IMMP2L: variants seen among roughly 807,000 people sequenced by gnomAD.
IMMP2L encodes mitochondrial inner membrane protease subunit 2.
Under a neutral mutation model 19.3 loss-of-function variants are expected in IMMP2L, and 18 were observed. The observed-to-expected ratio is 0.93, with a 90% CI of 0.64 to 1.38. The LOEUF (loss-of-function observed/expected upper bound fraction) is 1.38, where lower values mean the gene tolerates loss of function less well. Ranked by LOEUF, IMMP2L falls within the 40% of genes most tolerant of loss-of-function variation. The pLI, the probability that IMMP2L is intolerant of heterozygous loss-of-function variation, is 0.00. For synonymous variants in IMMP2L, 76 were observed against 73.0 expected, an observed-to-expected ratio of 1.04 and a Z score of -0.21; for missense variants, 233 against 218.2, an observed-to-expected ratio of 1.07 and a Z score of -0.43.
At chr7:110,894,758 A>T (rs1374397886) in intron 4 of IMMP2L, among the ~76,000 whole-genome samples, 2 of 152,174 alleles carry the variant, frequency 1.3e-5, no homozygotes, top group African/African-American at 4.8e-5. Flanking sequence ...TGTTTTTCAT[A>T]AGAAATTATT....
intron 3 of IMMP2L, among the ~76,000 whole-genome samples, chr7:111,369,201 G>C (rs1334068259): frequency 1.3e-5 from 2 of 151,810 alleles, no homozygotes; most frequent in African/African-American, 4.8e-5. Context: ...ACATATCTTA[G>C]AAGATTTAGT....
chr7:111,001,071 T>C (rs1351370881), intron 3 of IMMP2L, among the ~76,000 whole-genome samples: 1 of 152,192 alleles, frequency 6.6e-6, no homozygotes, highest in Non-Finnish European at 1.5e-5. Flanking sequence ...TGTCAAGTTG[T>C]TGGTAATGTG....
At chr7:111,111,299 T>TAAAAAAA (rs751990466) in intron 3 of IMMP2L, among the ~76,000 whole-genome samples, 1 of 92,282 alleles carries the variant, frequency 1.1e-5, no homozygotes, top group African/African-American at 3.9e-5. Context: ...GTAGCAGTTG[T>TAAAAAAA]AAAAAAAAAA....
At chr7:111,347,294 G>T (rs1563085930) in intron 3 of IMMP2L, among the ~76,000 whole-genome samples, 1 of 152,096 alleles carries the variant, frequency 6.6e-6, no homozygotes, top group African/African-American at 2.4e-5. Context: ...CAGAGAGGAT[G>T]TAAGGGCCAG....
chr7:111,532,964 T>G (rs2132826077), intron 1 of IMMP2L, among the ~76,000 whole-genome samples: 1 of 152,288 alleles, frequency 6.6e-6, no homozygotes, highest in South Asian at 2.1e-4. Flanking sequence ...TTGGAATGAG[T>G]GCTTATGGTC....
chr7:111,432,355 A>G (rs1836720166), intron 3 of IMMP2L, among the ~76,000 whole-genome samples: 1 of 151,820 alleles, frequency 6.6e-6, no homozygotes, highest in Non-Finnish European at 1.5e-5. Flanking sequence ...AAGCAAGATT[A>G]GCTGGAACAC....
intron 3 of IMMP2L, among the ~76,000 whole-genome samples, chr7:111,000,573 G>T (rs1255199321): frequency 6.6e-6 from 1 of 152,210 alleles, no homozygotes; most frequent in African/African-American, 2.4e-5. Flanking sequence ...ATGGGGCGCA[G>T]TGGCTCACGC....
At chr7:111,193,863 G>C (rs1809172420) in intron 3 of IMMP2L, among the ~76,000 whole-genome samples, 1 of 151,924 alleles carries the variant, frequency 6.6e-6, no homozygotes, top group African/African-American at 2.4e-5. Context: ...CCAGGCTATG[G>C]GTCAACTTCC....
chr7:111,113,386 CT>C lies in IMMP2L; in HGVS notation c.240-149822del, dbSNP rs201497545. On this transcript the variant is annotated intron_variant, in intron 3 of 5. Coordinates refer to ENST00000405709, the MANE Select transcript of IMMP2L (RefSeq NM_032549.4). ...CTTATGGCAATCAATATAGAATAGT[CT>C]TTTTTTTTTGTATACATGTCTATCA... Among the ~76,000 whole-genome samples, 903 of 149,066 alleles carry C rather than the reference CT, an allele frequency of 6.1e-3. 18 individuals are homozygous for C. Among genetic ancestry groups the C allele is most frequent in the African/African-American group, 0.02 (815 of 40,842 alleles).
At chr7:111,062,686 C>T (rs906841779) in intron 3 of IMMP2L, among the ~76,000 whole-genome samples, 1 of 152,220 alleles carries the variant, frequency 6.6e-6, no homozygotes, top group African/African-American at 2.4e-5. Context: ...GCAAATACAG[C>T]TGTTCCAAAT....
At chr7:111,463,283 T>C (rs1213182988) in intron 3 of IMMP2L, among the ~76,000 whole-genome samples, 1 of 152,108 alleles carries the variant, frequency 6.6e-6, no homozygotes, top group African/African-American at 2.4e-5. Context: ...TGATTACTTC[T>C]GTAAAGACCC....
At chr7:110,793,411 C>G (rs111285312) in intron 5 of IMMP2L, among the ~76,000 whole-genome samples, 7,467 of 139,798 alleles carry the variant, frequency 0.053, 576 homozygotes, top group African/African-American at 0.16. Context: ...CAGAGCAAGA[C>G]TCTGTCTCAA....
chr7:110,796,447 C>A (rs999791327), intron 5 of IMMP2L, among the ~76,000 whole-genome samples: 1 of 152,004 alleles, frequency 6.6e-6, no homozygotes, highest in Non-Finnish European at 1.5e-5. Context: ...ACTATCTTTT[C>A]TTGTCTTCAT....
In IMMP2L at chr7:111,170,681, C is replaced by G. The variant is rs540118970; in HGVS notation, c.240-207116G>C. ...GAGGTCTGAGGGTTCCTATCATCTC[C>G]CTAGCTCCCAGTTTACCTAAGGTAT... On this transcript the variant is annotated intron_variant, in intron 3 of 5. Transcript: ENST00000405709. Among the ~76,000 whole-genome samples, 3 of 151,850 alleles carry G rather than the reference C, an allele frequency of 2.0e-5. 1 individual carries two copies. Among genetic ancestry groups the G allele is most frequent in the African/African-American group, 7.2e-5 (3 of 41,490 alleles).
intron 5 of IMMP2L, among the ~76,000 whole-genome samples, chr7:110,693,623 G>T (rs1793664821): frequency 6.6e-6 from 1 of 152,160 alleles, no homozygotes; most frequent in Non-Finnish European, 1.5e-5. Flanking sequence ...AGTGCTTAAG[G>T]AAGGCCTCTC....
chr7:111,073,297 G>A (rs1023539206), intron 3 of IMMP2L, among the ~76,000 whole-genome samples: 2 of 151,978 alleles, frequency 1.3e-5, no homozygotes, highest in African/African-American at 2.4e-5. Context: ...AGGAGAGAGA[G>A]CAAGAATGAG....
intron 3 of IMMP2L, among the ~76,000 whole-genome samples, chr7:111,281,244 GAAGA>G (rs1819833576): frequency 1.6e-5 from 2 of 127,916 alleles, no homozygotes; most frequent in African/African-American, 3.2e-5. Flanking sequence ...AAGAAAGAAA[GAAGA>G]GAGAGAGAGA....
At chr7:111,367,736 C>T (rs752562037) in intron 3 of IMMP2L, among the ~76,000 whole-genome samples, 1 of 151,680 alleles carries the variant, frequency 6.6e-6, no homozygotes, top group Non-Finnish European at 1.5e-5. Context: ...AAATTTGAAC[C>T]CAGAGACTCT....
intron 5 of IMMP2L, among the ~76,000 whole-genome samples, chr7:110,808,969 A>G (rs1385156707): frequency 6.6e-6 from 1 of 152,090 alleles, no homozygotes; most frequent in Admixed American, 6.6e-5. Flanking sequence ...TAAAGCTAAA[A>G]TCACCCTTCC....
Sources: allele counts gnomAD v4.1 joint callset (sites outside exome capture counted in the v4.1 genomes callset), GRCh38; gene constraint gnomAD v4.1.1; transcripts MANE v1.5; gene names NCBI Gene and HGNC (gene_info 2026-07-23, HGNC 2026-07-21).